Variants in FAM193A observed in about 807,000 individuals in gnomAD.
FAM193A encodes the protein protein FAM193A.
Under a neutral mutation model 126.5 loss-of-function variants are expected in FAM193A, and 22 were observed. That is an observed-to-expected ratio of 0.17 (90% CI 0.12 to 0.25). The LOEUF (loss-of-function observed/expected upper bound fraction) is 0.25, where lower values mean the gene tolerates loss of function less well. Ranked by LOEUF, FAM193A falls within the 10% of genes least tolerant of loss-of-function variation. The pLI is 1.00. For synonymous variants in FAM193A, 761 were observed against 646.8 expected (o/e 1.18, Z -2.68); for missense variants, 1,675 against 1,672.8 (o/e 1.00, Z -0.02).
chr4:2,542,332 G>T (rs1737285138), intron 1 of FAM193A, among the ~76,000 whole-genome samples: 2 of 151,998 alleles, frequency 1.3e-5, no homozygotes, highest in South Asian at 4.2e-4. Context: ...TAGAGACGGG[G>T]TTTCACCTTG....
chr4:2,584,425 C>CAAAA (rs371307978), intron 1 of FAM193A, among the ~76,000 whole-genome samples: 2 of 60,894 alleles, frequency 3.3e-5, no homozygotes, highest in African/African-American at 5.5e-5. Context: ...GATTCCGTCT[C>CAAAA]AAAAAAAAAA....
At chr4:2,570,586 C>A (rs377101940) in intron 1 of FAM193A, among the ~76,000 whole-genome samples, 2 of 152,176 alleles carry the variant, frequency 1.3e-5, no homozygotes, top group Non-Finnish European at 2.9e-5. Flanking sequence ...GCCCTCTAGC[C>A]TGCTCTCTTG....
intron 1 of FAM193A, among the ~76,000 whole-genome samples, chr4:2,547,664 C>T (rs563591588): frequency 5.3e-5 from 8 of 150,690 alleles, no homozygotes; most frequent in African/African-American, 1.5e-4. Flanking sequence ...CTCACCCTTT[C>T]GCCCAGGCTG....
At chr4:2,651,245 A>G (rs1745634130) in intron 7 of FAM193A, among the ~76,000 whole-genome samples, 1 of 152,136 alleles carries the variant, frequency 6.6e-6, no homozygotes, top group Non-Finnish European at 1.5e-5. Context: ...CAGGAGAGTC[A>G]CTTGAACCTG....
At position 2,657,786 on chromosome 4, in the gene FAM193A, T is replaced by C. The variant is rs758132975; in HGVS notation, c.1312-17T>C. 1 of 1,571,642 alleles carries C rather than the reference T, an allele frequency of 6.4e-7. No homozygotes were observed. Among genetic ancestry groups the C allele is most frequent in the Non-Finnish European group, 8.6e-7 (1 of 1,161,398 alleles). On this transcript the variant is annotated splice_polypyrimidine_tract_variant and intron_variant, in intron 7 of 20. Coordinates refer to ENST00000637812, the MANE Select transcript of FAM193A (RefSeq NM_001366318.2). ...AAAGTTTTTCTTTTTTTTCTGTTTT[T>C]TACATCCCCTTACTAGATGACAATG...
intron 1 of FAM193A, among the ~76,000 whole-genome samples, chr4:2,542,184 T>A (rs534280261): frequency 1.3e-5 from 2 of 152,200 alleles, no homozygotes; most frequent in African/African-American, 4.8e-5. Flanking sequence ...CTTGGGTAAT[T>A]TTTGTATTTT....
chr4:2,603,681 G>C (rs956682781), intron 2 of FAM193A, among the ~76,000 whole-genome samples: 2 of 150,800 alleles, frequency 1.3e-5, no homozygotes, highest in African/African-American at 2.4e-5. Flanking sequence ...GGATGGCCTC[G>C]ATCTCCTGAC....
At chr4:2,567,065 G>A (rs1168767710) in intron 1 of FAM193A, among the ~76,000 whole-genome samples, 2 of 150,762 alleles carry the variant, frequency 1.3e-5, no homozygotes, top group Admixed American at 6.6e-5. Context: ...TCAGCCTCCC[G>A]AGTAGCCGGG....
At chr4:2,667,205 T>C (rs1713217498) in intron 12 of FAM193A, among the ~76,000 whole-genome samples, 1 of 152,208 alleles carries the variant, frequency 6.6e-6, no homozygotes, top group South Asian at 2.1e-4. Context: ...CTTCAAGTCT[T>C]CTGTATTGTC....
intron 1 of FAM193A, among the ~76,000 whole-genome samples, chr4:2,558,019 T>TC (rs1738369922): frequency 6.6e-6 from 1 of 151,870 alleles, no homozygotes; most frequent in Admixed American, 6.6e-5. Flanking sequence ...ATGCCTGTAA[T>TC]CCCAGCACTT....
upstream of FAM193A, among the ~76,000 whole-genome samples, chr4:2,536,340 C>A (rs923012492): frequency 3.3e-5 from 5 of 151,668 alleles, no homozygotes; most frequent in Admixed American, 2.6e-4. Context: ...ACGAGCGAGG[C>A]GGTGACATCA....
intron 2 of FAM193A, among the ~76,000 whole-genome samples, chr4:2,622,030 G>A (rs763683013): frequency 3.9e-5 from 6 of 152,024 alleles, no homozygotes; most frequent in Non-Finnish European, 4.4e-5. Flanking sequence ...GAAGGTGGGC[G>A]GATCACTTGA....
chr4:2,705,954 C>T (rs971971494), intron 19 of FAM193A, among the ~76,000 whole-genome samples: 1 of 152,072 alleles, frequency 6.6e-6, no homozygotes, highest in Non-Finnish European at 1.5e-5. Flanking sequence ...GCCTGTGATC[C>T]CAGCACTTTG....
At chr4:2,725,877 A>AATTTTT (rs766840171) in intron 20 of FAM193A, among the ~76,000 whole-genome samples, 2 of 151,036 alleles carry the variant, frequency 1.3e-5, no homozygotes, top group Non-Finnish European at 3.0e-5. Flanking sequence ...AATCTCAGCT[A>AATTTTT]ATTTTTATTT....
At position 2,663,235 on chromosome 4, in the gene FAM193A, A is replaced by C. The variant is rs959128911; in HGVS notation, c.2026A>C (p.Arg676=). The part of the protein sequence containing the change: ...EDGVLGSRSP[R]TEESKADSPP... ...TGGAGTGCTGGGAAGCAGGAGCCCC[A>C]GGACAGAGGAGAGCAAAGCAGACAG... The change falls in exon 12 of 21, where the codon AGG becomes CGG. Residue 676 remains arginine (R), a synonymous_variant. Transcript: ENST00000637812. 2 of 1,613,634 alleles carry C rather than the reference A, an allele frequency of 1.2e-6. No homozygotes were observed. Among genetic ancestry groups the C allele is most frequent in the African/African-American group, 2.7e-5 (2 of 74,896 alleles).
At position 2,668,829 on chromosome 4, in the gene FAM193A, CCTTTT is replaced by C. The variant is rs1479778523; in HGVS notation, c.2080-3285_2080-3281del. ...CTCTCTCTCTTTCTCTTTTCCTTTT[CCTTTT>C]CTTTTCCTTTTTCTTTTCCTTTTTT... On this transcript the variant is annotated intron_variant, in intron 12 of 20. Coordinates refer to ENST00000637812, the MANE Select transcript of FAM193A (RefSeq NM_001366318.2). Among the ~76,000 whole-genome samples, 3 of 144,084 alleles carry C rather than the reference CCTTTT, an allele frequency of 2.1e-5. No individual in the cohort carries two copies. The East Asian group carries it at 6.1e-4, about 29-fold the overall frequency. 94.5% of individuals were successfully genotyped at this position (144,084 alleles called of 152,430 possible). A position where few individuals can be genotyped will look rare whatever the true frequency, so the allele number is the denominator to read the frequency against.
chr4:2,545,272 C>T (rs969241909), intron 1 of FAM193A, among the ~76,000 whole-genome samples: 2 of 152,214 alleles, frequency 1.3e-5, no homozygotes, highest in East Asian at 1.9e-4. Flanking sequence ...GGATTTCAGG[C>T]GTGAGCCACC....
rs147301227 is a variant in FAM193A at position 2,729,314 on chromosome 4, C to T, written c.4455-2461C>T. 5.3e-3 allele frequency among the ~76,000 whole-genome samples: 807 copies of T among 152,158 alleles called. 8 individuals carry two copies. The highest frequency in any genetic ancestry group is 0.018 in the African/African-American group (767 of 41,536). ...TGCGCATGCTCCAGTAAACACACTA[C>T]GCATGCTCCCTCCCAAGTGCTAGCA... On this transcript the variant is annotated intron_variant, in intron 20 of 20. Transcript: ENST00000637812.
intron 1 of FAM193A, among the ~76,000 whole-genome samples, chr4:2,546,055 G>C (rs950939128): frequency 1.3e-5 from 2 of 152,080 alleles, no homozygotes; most frequent in African/African-American, 4.8e-5. Context: ...GGCTGAGGCA[G>C]GAGAATTGCT....
Sources: allele counts gnomAD v4.1 joint callset (sites outside exome capture counted in the v4.1 genomes callset), GRCh38; gene constraint gnomAD v4.1.1; transcripts MANE v1.5; gene names NCBI Gene and HGNC (gene_info 2026-07-23, HGNC 2026-07-21).